RGMB: variants seen among roughly 807,000 people sequenced by gnomAD.
RGMB encodes the protein repulsive guidance molecule BMP co-receptor b.
Under a neutral mutation model 26.9 loss-of-function variants are expected in RGMB, and 16 were observed. That is an observed-to-expected ratio of 0.60 (90% CI 0.40 to 0.90). RGMB has a LOEUF of 0.90. RGMB is among the 40% of genes least tolerant of loss of function. The pLI is 0.00. For missense variants in RGMB, 512 were observed against 573.3 expected, an observed-to-expected ratio of 0.89 and a Z score of 1.09; for synonymous variants, 225 against 229.3, an observed-to-expected ratio of 0.98 and a Z score of 0.17.
At chr5:98,774,460 T>C (rs1308176536) in intron 1 of RGMB, among the ~76,000 whole-genome samples, 1 of 151,896 alleles carries the variant, frequency 6.6e-6, no homozygotes, top group Non-Finnish European at 1.5e-5. Flanking sequence ...CTGACAAATC[T>C]CCCCTCCGAC....
upstream of RGMB, chr5:98,769,344 CG>C (rs1340421950): frequency 6.6e-6 from 1 of 152,356 alleles, no homozygotes; most frequent in Non-Finnish European, 1.5e-5. Flanking sequence ...TGCTGGGGTG[CG>C]GGGGGCTGAG....
intron 2 of RGMB, among the ~76,000 whole-genome samples, chr5:98,784,877 G>A (rs536446851): frequency 4.3e-4 from 66 of 152,210 alleles, no homozygotes; most frequent in Non-Finnish European, 6.8e-4. Context: ...ATAAAGAGGG[G>A]GACGCATGGT....
chr5:98,787,656 G>T (rs1010820232), intron 2 of RGMB, among the ~76,000 whole-genome samples: 30 of 152,202 alleles, frequency 2.0e-4, no homozygotes, highest in Non-Finnish European at 4.4e-5. Context: ...CTAAGGGAGA[G>T]GTTCCATTTG....
intron 2 of RGMB, chr5:98,792,718 C>A: frequency 6.2e-6 from 1 of 162,420 alleles, no homozygotes. Context: ...TTGCAGTGAG[C>A]TATGAATGTG....
At chr5:98,784,030 ATCT>A (rs146411147) in intron 2 of RGMB, among the ~76,000 whole-genome samples, 17,072 of 152,192 alleles carry the variant, frequency 0.11, 1,138 homozygotes, top group Middle Eastern at 0.21. Context: ...CCTACTGCAG[ATCT>A]TCTGCTACAC....
chr5:98,790,111 T>C (rs182160075), intron 2 of RGMB, among the ~76,000 whole-genome samples: 7 of 152,240 alleles, frequency 4.6e-5, no homozygotes, highest in African/African-American at 9.6e-5. Context: ...ATGTTGTAAT[T>C]GTTATGAGGA....
At chr5:98,779,397 C>G (rs1202462948) in intron 1 of RGMB, among the ~76,000 whole-genome samples, 183 bp from the exon 2 acceptor site, 1 of 152,200 alleles carries the variant, frequency 6.6e-6, no homozygotes, top group African/African-American at 2.4e-5. Flanking sequence ...GTTTTTCTTC[C>G]AGTGGCTTAG....
chr5:98,783,410 G>A (rs2112358404), intron 2 of RGMB, among the ~76,000 whole-genome samples: 1 of 152,322 alleles, frequency 6.6e-6, no homozygotes, highest in South Asian at 2.1e-4. Flanking sequence ...TGAACTGGCA[G>A]AGTTAGCTAC....
rs562537442 is a variant in RGMB, at chr5:98,786,178, C to T, written c.645+6090C>T. Among the ~76,000 whole-genome samples the T allele has an allele frequency of 1.6e-4, 24 of 152,326 alleles. No individual in the cohort carries two copies. In the East Asian group the frequency reaches 4.6e-3, roughly 29 times the overall value. On this transcript the variant is annotated intron_variant, in intron 2 of 2. Coordinates refer to ENST00000513185, the MANE Select transcript of RGMB (RefSeq NM_001366508.1). ...ATGAGTCTTTTACCATCTTTCTAAT[C>T]TCCCTGACTGTGCCACTCCTTCTGT...
intron 1 of RGMB, among the ~76,000 whole-genome samples, chr5:98,777,029 T>A (rs955712222): frequency 6.7e-6 from 1 of 149,080 alleles, no homozygotes; most frequent in African/African-American, 2.5e-5. Context: ...GAGGTTGCAG[T>A]GAGCCGAGAT....
intron 1 of RGMB, among the ~76,000 whole-genome samples, chr5:98,779,153 G>C (rs964286987): frequency 2.6e-5 from 4 of 152,140 alleles, no homozygotes; most frequent in Middle Eastern, 3.4e-3. Flanking sequence ...GCCTAGTGCT[G>C]CTTTTCCAAT....
intron 2 of RGMB, among the ~76,000 whole-genome samples, chr5:98,791,060 C>G (rs189881350): frequency 1.1e-3 from 167 of 152,258 alleles, no homozygotes; most frequent in African/African-American, 3.6e-3. Context: ...CGTTAGATAT[C>G]TAGCTCAAAA....
intron 2 of RGMB, among the ~76,000 whole-genome samples, chr5:98,782,400 C>T (rs1561441841): frequency 6.6e-6 from 1 of 152,204 alleles, no homozygotes; most frequent in Non-Finnish European, 1.5e-5. Context: ...CATAAAAGTG[C>T]TTATAAAATA....
intron 1 of RGMB, 90 bp from the exon 2 acceptor site, chr5:98,779,490 A>T: frequency 7.6e-7 from 1 of 1,314,376 alleles, no homozygotes; most frequent in Non-Finnish European, 1.0e-6. Context: ...AATAGAACAA[A>T]CAATTCCCAA....
chr5:98,777,441 A>G (rs1456202295), intron 1 of RGMB, among the ~76,000 whole-genome samples: 1 of 152,166 alleles, frequency 6.6e-6, no homozygotes, highest in Non-Finnish European at 1.5e-5. Flanking sequence ...TAGCTACTTA[A>G]GTCTTTTTTT....
chr5:98,780,027 T>C lies in RGMB; in HGVS notation c.584T>C (p.Leu195Pro). ...TGGCCACTCATAGATAATAATTATCTTTCAGTTCAAGTGACAAACGTACCT... is the reference window on the plus strand; with the variant it reads ...TGGCCACTCATAGATAATAATTATCCTTCAGTTCAAGTGACAAACGTACCT... The part of the protein sequence containing the change: ...GAWPLIDNNY[L>P]SVQVTNVPVV... The change falls in exon 2 of 3, where the codon CTT becomes CCT. Residue 195 changes from leucine to proline, a missense_variant. Leu to Pro is a moderately conservative substitution (Grantham distance 98). Transcript: ENST00000513185. The C allele has an allele frequency of 6.2e-7, 1 of 1,613,912 alleles. No homozygotes were observed. Among genetic ancestry groups the C allele is most frequent in the Non-Finnish European group, 8.5e-7 (1 of 1,179,874 alleles).
At chr5:98,783,525 A>C (rs530649308) in intron 2 of RGMB, among the ~76,000 whole-genome samples, 12 of 152,316 alleles carry the variant, frequency 7.9e-5, no homozygotes, top group Admixed American at 5.9e-4. Flanking sequence ...CACACACTCA[A>C]GATAAACCAG....
rs746097965 is a variant in RGMB at position 98,774,147 on chromosome 5, GC to G, written c.83del (p.Pro28ArgfsTer39). On this transcript the variant is annotated frameshift_variant, in exon 1 of 3. Coordinates refer to ENST00000513185, the MANE Select transcript of RGMB (RefSeq NM_001366508.1). LOFTEE classifies it high-confidence loss of function. ...GAGCAGCGCCGCAGCCCCGGGCTCTGCCCCCCGCCGCTGGAGCTGCTGCTGC... is the reference window on the plus strand; with the variant it reads ...GAGCAGCGCCGCAGCCCCGGGCTCTGCCCCCGCCGCTGGAGCTGCTGCTGC... ...EVEQRRSPGL[C>X]PPPLELLLLL... is the part of the protein sequence containing the mutation. 4 of 1,487,190 alleles carry G rather than the reference GC, an allele frequency of 2.7e-6. No homozygotes were observed. The highest frequency in any genetic ancestry group is 3.6e-6 in the Non-Finnish European group (4 of 1,122,874). The allele number at this position is 1,487,190 out of a possible 1,614,324, so 92.1% of individuals were successfully genotyped here.
At chr5:98,774,711 G>T (rs1746336551) in intron 1 of RGMB, among the ~76,000 whole-genome samples, 1 of 152,212 alleles carries the variant, frequency 6.6e-6, no homozygotes, top group Non-Finnish European at 1.5e-5. Flanking sequence ...AAACCTGGGA[G>T]TTAATCTCGA....
Sources: gnomAD v4.1 joint callset for allele counts (sites outside exome capture counted in the v4.1 genomes callset) on GRCh38, gnomAD v4.1.1 for gene constraint, MANE v1.5 for transcripts, NCBI Gene and HGNC (gene_info 2026-07-23, HGNC 2026-07-21) for gene names.